The following PTGIS variants were observed in gnomAD, a reference collection of about 807,000 sequenced individuals.
The protein encoded by PTGIS is prostacyclin synthase.
In PTGIS, 45 loss-of-function variants were observed where a neutral mutation model predicts 50.3. That is an observed-to-expected ratio of 0.90 (90% CI 0.70 to 1.15). PTGIS has a LOEUF of 1.15. Among genes scored for constraint, PTGIS ranks in the 50% most tolerant of loss-of-function variants. The probability of loss-of-function intolerance (pLI) is 0.00; values close to 1 mark genes in which losing one functional copy is unlikely to be tolerated. For missense variants in PTGIS, 668 were observed against 661.3 expected (o/e 1.01, Z -0.11); for synonymous variants, 260 against 267.7 (o/e 0.97, Z 0.28).
At chr20:49,525,597 A>T (rs6067116) in intron 5 of PTGIS, among the ~76,000 whole-genome samples, 18,519 of 150,270 alleles carry the variant, frequency 0.12, 1,239 homozygotes, top group Non-Finnish European at 0.14. Flanking sequence ...TTTTTTTTTT[A>T]AAATATTTTC....
chr20:49,547,753 C>T (rs1982398236), intron 3 of PTGIS, 88 bp downstream of exon 3: 1 of 1,456,480 alleles, frequency 6.9e-7, no homozygotes, highest in Non-Finnish European at 9.6e-7. Flanking sequence ...CGAACATTTG[C>T]TTTGGAACCA....
At chr20:49,525,858 T>C (rs1434658021) in intron 5 of PTGIS, among the ~76,000 whole-genome samples, 4 of 152,134 alleles carry the variant, frequency 2.6e-5, no homozygotes, top group Admixed American at 2.6e-4. Flanking sequence ...ATTCTAAACC[T>C]GGCTGCACCT....
intron 5 of PTGIS, among the ~76,000 whole-genome samples, chr20:49,538,254 C>T (rs1601193309): frequency 1.8e-5 from 1 of 54,206 alleles, no homozygotes; most frequent in Non-Finnish European, 3.1e-5. Context: ...GACCCTGGTT[C>T]AGAAAAAAAA....
At chr20:49,538,256 GAAAAAA>G (rs58986753) in intron 5 of PTGIS, among the ~76,000 whole-genome samples, 8 of 30,288 alleles carry the variant, frequency 2.6e-4, no homozygotes, top group African/African-American at 7.7e-4. Flanking sequence ...CCCTGGTTCA[GAAAAAA>G]AAAAAAAAAA....
chr20:49,553,990 T>G (rs1982570048), intron 1 of PTGIS, among the ~76,000 whole-genome samples: 1 of 152,180 alleles, frequency 6.6e-6, no homozygotes, highest in Non-Finnish European at 1.5e-5. Context: ...ATAATAGTCT[T>G]TCTAGAGATT....
intron 4 of PTGIS, among the ~76,000 whole-genome samples, chr20:49,543,084 A>T (rs1351006678): frequency 1.3e-5 from 2 of 152,104 alleles, no homozygotes; most frequent in African/African-American, 4.8e-5. Flanking sequence ...TTTTTAAATT[A>T]AATTTAAATT....
chr20:49,568,045 C>G lies in PTGIS; in HGVS notation c.72G>C (p.Thr24=). The change falls in exon 1 of 10, where the codon ACG becomes ACC. Residue 24 remains threonine, a splice_region_variant and synonymous_variant. Transcript: ENST00000244043. ...GCCGAGCGGAGCAGGACACTCACCGCGTGCGGCGGCGGCTCAGTAGCAGCA... is the reference window on the plus strand; with the variant it reads ...GCCGAGCGGAGCAGGACACTCACCGGGTGCGGCGGCGGCTCAGTAGCAGCA... ...LLLLLLSRRR[T]RRPGEPPLDL... 2 of 1,480,788 alleles carry G rather than the reference C, an allele frequency of 1.4e-6. No homozygotes were observed. Among genetic ancestry groups the G allele is most frequent in the African/African-American group, 1.5e-5 (1 of 68,086 alleles). 91.7% of individuals were successfully genotyped at this position (1,480,788 alleles called of 1,614,324 possible).
chr20:49,535,659 C>A (rs911746519), intron 5 of PTGIS, among the ~76,000 whole-genome samples: 7 of 152,168 alleles, frequency 4.6e-5, no homozygotes, highest in African/African-American at 1.7e-4. Context: ...GGATTACAGG[C>A]GCTTGCCGCC....
In PTGIS at chr20:49,546,205, C is replaced by T. The variant is rs544241043; in HGVS notation, c.377+1636G>A. 1.2e-4 allele frequency among the ~76,000 whole-genome samples: 18 copies of T among 152,326 alleles called. No homozygotes were observed. The East Asian group carries it at 3.5e-3, about 29-fold the overall frequency. ...AGATGTGGCTGCTGTGCCCAGAAGA[C>T]ATCACGCCAGCTTGTAAGAAATTCC... On this transcript the variant is annotated intron_variant, in intron 3 of 9. Transcript: ENST00000244043.
intron 5 of PTGIS, 88 bp from the exon 6 acceptor site, chr20:49,524,327 G>T: frequency 6.9e-7 from 1 of 1,453,164 alleles, no homozygotes; most frequent in Non-Finnish European, 9.4e-7. Context: ...ATGAGGCCAA[G>T]GGTCTTCTGA....
rs1364553339 is a variant in PTGIS, at chr20:49,567,951, G to C, written c.74+92C>G. Reference sequence around the variant, plus strand: ...GGGATACTGGAGCGGGACTCGGGCCGGGCCGGCCGCGGGCTCCGAGACCCT... The same window carrying C: ...GGGATACTGGAGCGGGACTCGGGCCCGGCCGGCCGCGGGCTCCGAGACCCT... On this transcript the variant is annotated intron_variant, in intron 1 of 9. Coordinates refer to ENST00000244043, the MANE Select transcript of PTGIS (RefSeq NM_000961.4). 20 of 1,248,998 alleles carry C rather than the reference G, an allele frequency of 1.6e-5. No homozygotes were observed. In the Admixed American group the frequency reaches 4.3e-4, roughly 27 times the overall value. The allele number at this position is 1,248,998 out of a possible 1,614,324, so 77.4% of individuals were successfully genotyped here.
At chr20:49,520,615 T>C (rs60472836) in intron 6 of PTGIS, among the ~76,000 whole-genome samples, 4,577 of 152,256 alleles carry the variant, frequency 0.03, 233 homozygotes, top group African/African-American at 0.11. Context: ...ATTACAGGCG[T>C]GAGCCACTGC....
At chr20:49,529,083 C>A (rs898324268) in intron 5 of PTGIS, among the ~76,000 whole-genome samples, 2 of 152,154 alleles carry the variant, frequency 1.3e-5, no homozygotes, top group Admixed American at 6.5e-5. Context: ...TGCAATCAAG[C>A]TAATTAGCAT....
intron 6 of PTGIS, among the ~76,000 whole-genome samples, chr20:49,523,321 C>T (rs1343018989): frequency 6.6e-6 from 1 of 151,384 alleles, no homozygotes; most frequent in African/African-American, 2.4e-5. Flanking sequence ...TAAAATAATC[C>T]CAGTGGGGAA....
chr20:49,539,744 C>T lies in PTGIS; in HGVS notation c.522-23G>A, dbSNP rs750541615. 3.7e-6 allele frequency: 6 copies of T among 1,604,244 alleles called. No homozygotes were observed. The South Asian group carries it at 6.7e-5, about 18-fold the overall frequency. The stretch of plus-strand genomic sequence containing the variant: ...GCTCTGGGGGCGGCAGACAGAGGGT[C>T]AGGGGTCCTCCTGGGACACTCATGT... On this transcript the variant is annotated intron_variant, in intron 4 of 9. Transcript: ENST00000244043.
chr20:49,556,447 C>T (rs1421142334), intron 1 of PTGIS, among the ~76,000 whole-genome samples: 2 of 152,116 alleles, frequency 1.3e-5, no homozygotes, highest in African/African-American at 4.8e-5. Context: ...TTTGAATTCA[C>T]TCAATTCATA....
chr20:49,544,051 G>C (rs1982295155), intron 4 of PTGIS, among the ~76,000 whole-genome samples: 1 of 152,224 alleles, frequency 6.6e-6, no homozygotes, highest in African/African-American at 2.4e-5. Flanking sequence ...CTGAAGTCTT[G>C]CTCTGTGACT....
rs1469501492 is a variant in PTGIS, at chr20:49,507,333, T to C, written c.*587A>G. On this transcript the variant is annotated 3_prime_UTR_variant, in exon 10 of 10. Transcript: ENST00000244043. ...GGAATGCATCAGCCTTGGGGGAAGC[T>C]CTCCTGCATTTTCTCAAGTAGTGTG... 5.4e-6 allele frequency: 1 copy of C among 184,982 alleles called. No individual in the cohort carries two copies. The highest frequency in any genetic ancestry group is 1.1e-5 in the Non-Finnish European group (1 of 87,486). The allele number at this position is 184,982 out of a possible 1,614,324, so 11.5% of individuals were successfully genotyped here.
chr20:49,539,612 C>G lies in PTGIS; in HGVS notation c.631G>C (p.Asp211His). Residue 211 changes from aspartate (D) to histidine (H), a missense_variant, in exon 5 of 10, where the codon GAC (aspartate) becomes CAC (histidine). Coordinates refer to ENST00000244043, the MANE Select transcript of PTGIS (RefSeq NM_000961.4). ...CGGGCCAGTTTGGGGAGCAGCCGGTCGAGCTGGCGAAAGGTGTGGAAGACA... is the reference window on the plus strand; with the variant it reads ...CGGGCCAGTTTGGGGAGCAGCCGGTGGAGCTGGCGAAAGGTGTGGAAGACA... ...ADVFHTFRQL[D>H]RLLPKLARGS... is the part of the protein sequence containing the mutation. The G allele has an allele frequency of 6.2e-7, 1 of 1,614,028 alleles. No individual in the cohort carries two copies. Among genetic ancestry groups the G allele is most frequent in the Middle Eastern group, 1.6e-4 (1 of 6,062 alleles).
Sources: gnomAD v4.1 joint callset for allele counts (sites outside exome capture counted in the v4.1 genomes callset) on GRCh38, gnomAD v4.1.1 for gene constraint, MANE v1.5 for transcripts, NCBI Gene and HGNC (gene_info 2026-07-23, HGNC 2026-07-21) for gene names.